PARP10: variants seen among roughly 807,000 people sequenced by gnomAD.
PARP10 encodes protein mono-ADP-ribosyltransferase PARP10.
A neutral mutation model predicts 82.4 loss-of-function variants in PARP10; 56 were observed. The ratio of observed to expected loss-of-function variants is 0.68; its 90% CI spans 0.55 to 0.85. PARP10 has a LOEUF of 0.85. PARP10 is among the 40% of genes least tolerant of loss of function. The pLI is 0.00. For missense variants in PARP10, 1,227 were observed against 1,379.4 expected, an observed-to-expected ratio of 0.89 and a Z score of 1.75; for synonymous variants, 576 against 601.1, an observed-to-expected ratio of 0.96 and a Z score of 0.61.
At chr8:143,979,475 T>G (rs1246706957) in intron 9 of PARP10, among the ~76,000 whole-genome samples, 1 of 152,224 alleles carries the variant, frequency 6.6e-6, no homozygotes, top group Non-Finnish European at 1.5e-5. Context: ...AAACATATTT[T>G]GAACCTGAAC....
upstream of PARP10, chr8:143,986,571 C>T: frequency 1.4e-6 from 1 of 739,630 alleles, no homozygotes; most frequent in Non-Finnish European, 2.2e-6. Context: ...CCCAGCTGAC[C>T]AGGAGGTATT....
chr8:143,992,217 A>G (rs958185393), upstream of PARP10: 1 of 1,603,364 alleles, frequency 6.2e-7, no homozygotes, highest in African/African-American at 1.3e-5. Context: ...GCACACACCC[A>G]AGGTCAGCCT....
In PARP10 at chr8:143,984,593, C is replaced by T; in HGVS notation, c.1409G>A (p.Gly470Glu). The T allele has an allele frequency of 6.2e-7, 1 of 1,613,856 alleles. No homozygotes were observed. Among genetic ancestry groups the T allele is most frequent in the Non-Finnish European group, 8.5e-7 (1 of 1,179,864 alleles). Residue 470 changes from glycine (G) to glutamate (E), a missense_variant, in exon 5 of 11, where the codon GGA (glycine) becomes GAA (glutamate). Coordinates refer to ENST00000313028, the MANE Select transcript of PARP10 (RefSeq NM_032789.5). ...TTCAAGTGGCAAGAGAGCGACGTCT[C>T]CCAGGCCCGCAAGAAGGTCCTCATG... ...LYHEDLLAGL[G>E]DVALLPLEGP...
intron 1 of PARP10, among the ~76,000 whole-genome samples, chr8:144,009,896 C>T (rs1174808897): frequency 1.3e-5 from 2 of 152,194 alleles, no homozygotes; most frequent in East Asian, 3.8e-4. Flanking sequence ...ATGGCACCAC[C>T]TGTGAACCAG....
chr8:143,990,972 C>T (rs1019532623), upstream of PARP10: 1 of 297,990 alleles, frequency 3.4e-6, no homozygotes, highest in Non-Finnish European at 6.2e-6. This position sits in a 1 kb window ranked among gnomAD's most constrained non-coding sequence, Gnocchi z 5.6. Context: ...GCCCCTCCCC[C>T]ACCCTAAAGG....
intron 1 of PARP10, among the ~76,000 whole-genome samples, chr8:144,001,760 G>A (rs1305618484): frequency 6.6e-6 from 1 of 151,064 alleles, no homozygotes; most frequent in Non-Finnish European, 1.5e-5. Flanking sequence ...AGAAAAGTCT[G>A]GGCACAGTGG....
At chr8:144,001,902 G>A (rs1554751726) in intron 1 of PARP10, among the ~76,000 whole-genome samples, 1 of 151,658 alleles carries the variant, frequency 6.6e-6, no homozygotes, top group Non-Finnish European at 1.5e-5. Flanking sequence ...GTGTGTGTGT[G>A]TGTGTGTATT....
At chr8:144,012,382 A>T in intron 1 of PARP10, 1 of 707,640 alleles carries the variant, frequency 1.4e-6, no homozygotes, top group Non-Finnish European at 2.4e-6. Flanking sequence ...CTCTGACCTC[A>T]CAATACCCAG....
In PARP10 at chr8:143,977,797, C is replaced by T. The variant is rs138649911; in HGVS notation, c.2765G>A (p.Arg922Lys). The stretch of plus-strand genomic sequence containing the variant: ...GTCCTGCACCGACAGGGAGGCGCGC[C>T]TGGCGAAATACACGCCCTTCCCGTA... ...TVYGKGVYFA[R>K]RASLSVQDRY... is the part of the protein sequence containing the mutation. Residue 922 changes from arginine (R) to lysine (K), a missense_variant, in exon 11 of 11, where the codon AGG becomes AAG. Transcript: ENST00000313028. 2 of 1,601,872 alleles carry T rather than the reference C, an allele frequency of 1.2e-6. No homozygotes were observed. Among genetic ancestry groups the T allele is most frequent in the African/African-American group, 2.7e-5 (2 of 74,608 alleles).
At chr8:143,990,375 G>A (rs1332485320), upstream of PARP10, 4 of 151,296 alleles carry the variant, frequency 2.6e-5, no homozygotes, top group Non-Finnish European at 5.9e-5. This position sits in a 1 kb window ranked among gnomAD's most constrained non-coding sequence, Gnocchi z 5.6. Context: ...GCGGTGGTGG[G>A]GGCGGGGAGC....
Position 143,977,357 on chromosome 8 carries a change from G to A in PARP10, c.*127C>T, listed in dbSNP as rs2133022465. On this transcript the variant is annotated 3_prime_UTR_variant, in exon 11 of 11. Transcript: ENST00000313028. Reference sequence around the variant, plus strand: ...CCGCCATCCCCCACACCGCCTTCTGGAGCCCGCAGAGGGAGGCAGGGGCGT... The same window carrying A: ...CCGCCATCCCCCACACCGCCTTCTGAAGCCCGCAGAGGGAGGCAGGGGCGT... 2.0e-6 allele frequency: 2 copies of A among 991,576 alleles called. No homozygotes were observed. Among genetic ancestry groups the A allele is most frequent in the Non-Finnish European group, 2.9e-6 (2 of 695,850 alleles). The allele number at this position is 991,576 out of a possible 1,614,324, so 61.4% of individuals were successfully genotyped here.
At chr8:143,998,436 C>T (rs1834177935) in intron 1 of PARP10, among the ~76,000 whole-genome samples, 1 of 152,174 alleles carries the variant, frequency 6.6e-6, no homozygotes, top group African/African-American at 2.4e-5. Context: ...TTATCCACCA[C>T]CTCTGCAATT....
rs1833897505 is a variant in PARP10, at chr8:143,982,992, C to T, written c.2496G>A (p.Glu832=). Residue 832 remains glutamate, a synonymous_variant, in exon 9 of 11, where the codon GAG becomes GAA. Transcript: ENST00000313028. ...RLAENTGEFQ[E]VVRAFYDTLD... ...GGGTGTCGTAGAAGGCCCGCACCAC[C>T]TCCTGGAACTCCCCGGTGTTCTCTG... 1 of 1,613,992 alleles carries T rather than the reference C, an allele frequency of 6.2e-7. No homozygotes were observed. Among genetic ancestry groups the T allele is most frequent in the Non-Finnish European group, 8.5e-7 (1 of 1,180,024 alleles).
upstream of PARP10, among the ~76,000 whole-genome samples, chr8:143,995,028 G>A (rs1017262775): frequency 7.9e-5 from 12 of 152,142 alleles, no homozygotes; most frequent in African/African-American, 1.2e-4. Flanking sequence ...AGTTTGAGAC[G>A]GACACAAACT....
At chr8:143,998,381 G>T (rs1834177703) in intron 1 of PARP10, among the ~76,000 whole-genome samples, 1 of 152,124 alleles carries the variant, frequency 6.6e-6, no homozygotes, top group Admixed American at 6.5e-5. Context: ...TGCCTCTATT[G>T]GTTGAAGGTA....
chr8:143,999,651 T>G (rs1039810346), intron 1 of PARP10, among the ~76,000 whole-genome samples: 12 of 135,580 alleles, frequency 8.9e-5, no homozygotes, highest in East Asian at 5.9e-4. Flanking sequence ...AAATTGAGCT[T>G]CTTTTTTTTT....
intron 5 of PARP10, 30 bp from the exon 6 acceptor site, chr8:143,984,461 C>A (rs782371788): frequency 3.1e-6 from 5 of 1,596,832 alleles, no homozygotes; most frequent in Non-Finnish European, 3.4e-6. Context: ...ATGGAGTTTG[C>A]AGGTTTAGAG....
chr8:143,977,797 C>G lies in PARP10; in HGVS notation c.2765G>C (p.Arg922Thr). Residue 922 changes from arginine to threonine, a missense_variant, in exon 11 of 11, where the codon AGG (arginine) becomes ACG (threonine). Transcript: ENST00000313028. ...GTCCTGCACCGACAGGGAGGCGCGC[C>G]TGGCGAAATACACGCCCTTCCCGTA... ...TVYGKGVYFA[R>T]RASLSVQDRY... 6.2e-7 allele frequency: 1 copy of G among 1,601,990 alleles called. No homozygotes were observed. The highest frequency in any genetic ancestry group is 8.5e-7 in the Non-Finnish European group (1 of 1,174,724).
chr8:143,977,962 C>T lies in PARP10; in HGVS notation c.2676G>A (p.Pro892=), dbSNP rs1448498185. ...EQVLYHGTTA[P]AVPDICAHGF... ...CGTGGGCGCAGATGTCAGGCACTGC[C>T]GGTGCCGTCGTGCCGTGGTACAGCA... The change falls in exon 10 of 11, where the codon CCG becomes CCA. Residue 892 remains proline (P), a synonymous_variant. Coordinates refer to ENST00000313028, the MANE Select transcript of PARP10 (RefSeq NM_032789.5). 3.8e-6 allele frequency: 6 copies of T among 1,599,582 alleles called. No individual in the cohort carries two copies. In the African/African-American group the frequency reaches 6.7e-5, roughly 18 times the overall value.
Sources: gnomAD v4.1 joint callset for allele counts (sites outside exome capture counted in the v4.1 genomes callset) on GRCh38, gnomAD v4.1.1 for gene constraint, Gnocchi (gnomAD v3.1) non-coding constraint, MANE v1.5 for transcripts, NCBI Gene and HGNC (gene_info 2026-07-23, HGNC 2026-07-21) for gene names.